Variants in CERT1 observed in about 807,000 individuals in gnomAD.
The protein encoded by CERT1 is ceramide transporter 1, also known as ceramide transfer protein.
CERT1 carries 31 observed loss-of-function variants against 87.9 expected under a neutral mutation model. The observed-to-expected ratio is 0.35, with a 90% CI of 0.27 to 0.48. CERT1 has a LOEUF of 0.48. CERT1 is among the 20% of genes least tolerant of loss of function. The pLI is 0.99. For synonymous variants in CERT1, 289 were observed against 250.9 expected (o/e 1.15, Z -1.44); for missense variants, 487 against 758.0 (o/e 0.64, Z 4.20).
chr5:75,511,899 G>A, upstream of CERT1: 1 of 1,389,160 alleles, frequency 7.2e-7, no homozygotes, highest in Admixed American at 2.2e-5. Flanking sequence ...TTGTAGTCGC[G>A]ATCCTGAGGT....
intron 2 of CERT1, among the ~76,000 whole-genome samples, chr5:75,487,262 A>G (rs551398659): frequency 6.6e-6 from 1 of 152,224 alleles, no homozygotes; most frequent in South Asian, 2.1e-4. Context: ...TAGTGCTAGG[A>G]AAACTGGATA....
At position 75,468,291 on chromosome 5, in the gene CERT1, T is replaced by C. The variant is rs142379505; in HGVS notation, c.232-9110A>G. On this transcript the variant is annotated intron_variant, in intron 2 of 16. Coordinates refer to ENST00000643780, the MANE Select transcript of CERT1 (RefSeq NM_001379029.1). ...GGCATACTAATAAGAAAATACCCAT[T>C]GAAGAGGGTAGAAAGGATAATTTTA... 2.1e-3 allele frequency among the ~76,000 whole-genome samples: 315 copies of C among 152,298 alleles called. 1 individual carries two copies. In the East Asian group the frequency reaches 0.027, roughly 13 times the overall value.
chr5:75,500,647 A>C (rs1011293464), intron 2 of CERT1, among the ~76,000 whole-genome samples: 3 of 152,184 alleles, frequency 2.0e-5, no homozygotes, highest in African/African-American at 7.2e-5. Context: ...CTAGTTTCTT[A>C]TCTAGTGCTT....
Position 75,477,667 on chromosome 5 carries a change from A to C in CERT1, c.232-18486T>G, listed in dbSNP as rs1023765886. On this transcript the variant is annotated intron_variant, in intron 2 of 16. Coordinates refer to ENST00000643780, the MANE Select transcript of CERT1 (RefSeq NM_001379029.1). ...AGTTGTAAAAAAAAAAAAAAAAAAA[A>C]AACAACCAAACAACAACAACAAAAA... 1.1e-3 allele frequency among the ~76,000 whole-genome samples: 163 copies of C among 150,338 alleles called. 1 individual carries two copies. The highest frequency in any genetic ancestry group is 1.7e-3 in the East Asian group (9 of 5,160).
intron 6 of CERT1, 142 bp downstream of exon 6, chr5:75,419,199 A>T (rs1375973709): frequency 3.7e-6 from 2 of 543,252 alleles, no homozygotes; most frequent in African/African-American, 3.9e-5. Context: ...TTTTACCTGC[A>T]TGCCTTGGAA....
chr5:75,382,089 T>TA lies in CERT1; in HGVS notation c.1489-13dup, dbSNP rs1761610853. ...GCAGGCCACACCCTCTGTGGAGAAG[T>TA]AAAAATCTTTTGAAAAACAGATCTA... On this transcript the variant is annotated splice_polypyrimidine_tract_variant and intron_variant, in intron 14 of 16. Coordinates refer to ENST00000643780, the MANE Select transcript of CERT1 (RefSeq NM_001379029.1). The TA allele has an allele frequency of 3.7e-6, 6 of 1,605,896 alleles. No homozygotes were observed. Among genetic ancestry groups the TA allele is most frequent in the Non-Finnish European group, 5.1e-6 (6 of 1,176,414 alleles).
chr5:75,511,330 G>A lies in CERT1; in HGVS notation c.-123C>T, dbSNP rs753522307. On this transcript the variant is annotated 5_prime_UTR_variant, in exon 1 of 17. Coordinates refer to ENST00000643780, the MANE Select transcript of CERT1 (RefSeq NM_001379029.1). Reference sequence around the variant, plus strand: ...GCGAAGAGTGCCCGCTCCGGTGTGGGGGGGAGCAGGAGGAGGGACGAAGTC... The same window carrying A: ...GCGAAGAGTGCCCGCTCCGGTGTGGAGGGGAGCAGGAGGAGGGACGAAGTC... 3.2e-6 allele frequency: 5 copies of A among 1,546,930 alleles called. No homozygotes were observed. Among genetic ancestry groups the A allele is most frequent in the African/African-American group, 2.7e-5 (2 of 73,002 alleles).
chr5:75,441,506 T>C lies in CERT1; in HGVS notation c.349-15028A>G, dbSNP rs187789421. Among the ~76,000 whole-genome samples, 38 of 152,318 alleles carry C rather than the reference T, an allele frequency of 2.5e-4. No individual in the cohort carries two copies. The East Asian group carries it at 5.8e-3, about 23-fold the overall frequency. Reference sequence around the variant, plus strand: ...AGTGGTAAGTATATCCACTTTATTATACAATTAATCTCCAAAACTTTTTCA... The same window carrying C: ...AGTGGTAAGTATATCCACTTTATTACACAATTAATCTCCAAAACTTTTTCA... On this transcript the variant is annotated intron_variant, in intron 3 of 16. Coordinates refer to ENST00000643780, the MANE Select transcript of CERT1 (RefSeq NM_001379029.1).
chr5:75,431,114 G>C (rs925241041), intron 3 of CERT1, among the ~76,000 whole-genome samples: 30 of 152,142 alleles, frequency 2.0e-4, no homozygotes, highest in African/African-American at 6.8e-4. Flanking sequence ...TATTACATGG[G>C]TAAATTGCAT....
chr5:75,396,345 T>C (rs773204714), intron 11 of CERT1, among the ~76,000 whole-genome samples: 1 of 152,238 alleles, frequency 6.6e-6, no homozygotes, highest in Non-Finnish European at 1.5e-5. Context: ...CTTAGTTTTT[T>C]AATTAATTAT....
chr5:75,459,608 C>A (rs1765142021), intron 2 of CERT1, among the ~76,000 whole-genome samples: 1 of 152,158 alleles, frequency 6.6e-6, no homozygotes, highest in Admixed American at 6.5e-5. Context: ...ATCCTCATGC[C>A]TCCCAACTGG....
At chr5:75,477,538 G>GAAAAAA (rs1766011035) in intron 2 of CERT1, among the ~76,000 whole-genome samples, 1 of 150,780 alleles carries the variant, frequency 6.6e-6, no homozygotes, top group African/African-American at 2.4e-5. Context: ...AAATTTCTGG[G>GAAAAAA]GTTTTGTAAC....
chr5:75,452,502 G>A (rs1764806019), intron 3 of CERT1, among the ~76,000 whole-genome samples: 1 of 152,122 alleles, frequency 6.6e-6, no homozygotes, highest in South Asian at 2.1e-4. Flanking sequence ...GGGTTGAAGT[G>A]GGGGAGTACA....
chr5:75,369,238 G>A (rs1761001513), intron 17 of CERT1: 1 of 152,056 alleles, frequency 6.6e-6, no homozygotes, highest in Non-Finnish European at 1.5e-5. Flanking sequence ...TTGACTTACG[G>A]TATTTTCCAT....
intron 17 of CERT1, chr5:75,372,037 C>T (rs1761101824): frequency 6.6e-6 from 1 of 152,236 alleles, no homozygotes; most frequent in Admixed American, 6.5e-5. Context: ...TCTTTTAATA[C>T]AAATATTTTA....
Position 75,385,894 on chromosome 5 carries a change from C to A in CERT1, c.1417+8G>T. 6.7e-7 allele frequency: 1 copy of A among 1,482,692 alleles called. No individual in the cohort carries two copies. The highest frequency in any genetic ancestry group is 9.0e-7 in the Non-Finnish European group (1 of 1,116,676). 91.8% of individuals were successfully genotyped at this position (1,482,692 alleles called of 1,614,324 possible). On this transcript the variant is annotated splice_region_variant and intron_variant, in intron 13 of 16. Coordinates refer to ENST00000643780, the MANE Select transcript of CERT1 (RefSeq NM_001379029.1). ...ATAGATTAAAATATATTAATAATGACAGCTTACTTTCCCAGTCATTGCGAA... is the reference window on the plus strand; with the variant it reads ...ATAGATTAAAATATATTAATAATGAAAGCTTACTTTCCCAGTCATTGCGAA...
chr5:75,413,350 T>G (rs1230901506), intron 7 of CERT1, among the ~76,000 whole-genome samples: 1 of 152,180 alleles, frequency 6.6e-6, no homozygotes, highest in Non-Finnish European at 1.5e-5. Context: ...CACATCAGCG[T>G]TAAAGACAGT....
chr5:75,438,091 T>A (rs990395732), intron 3 of CERT1, among the ~76,000 whole-genome samples: 1 of 152,100 alleles, frequency 6.6e-6, no homozygotes, highest in African/African-American at 2.4e-5. Context: ...GATTTTAGAA[T>A]AAAAATTAAA....
At chr5:75,438,241 T>C (rs1402906445) in intron 3 of CERT1, among the ~76,000 whole-genome samples, 1 of 152,194 alleles carries the variant, frequency 6.6e-6, no homozygotes, top group African/African-American at 2.4e-5. Flanking sequence ...AAAAGTACTA[T>C]AGGGACCAAA....
Sources: gnomAD v4.1 joint callset for allele counts (sites outside exome capture counted in the v4.1 genomes callset) on GRCh38, gnomAD v4.1.1 for gene constraint, MANE v1.5 for transcripts, NCBI Gene and HGNC (gene_info 2026-07-23, HGNC 2026-07-21) for gene names.